Variants in TSHZ3 observed in about 807,000 individuals in gnomAD.
TSHZ3 encodes teashirt zinc finger homeobox 3.
TSHZ3 carries 10 observed loss-of-function variants against 64.5 expected under a neutral mutation model. The observed-to-expected ratio is 0.16, with a 90% CI of 0.10 to 0.26. The LOEUF (loss-of-function observed/expected upper bound fraction) is 0.26, where lower values mean the gene tolerates loss of function less well. Among genes scored for constraint, TSHZ3 ranks in the 10% least tolerant of loss-of-function variants. The pLI, the probability that TSHZ3 is intolerant of heterozygous loss-of-function variation, is 1.00. For missense variants in TSHZ3, 1,242 were observed against 1,421.7 expected, an observed-to-expected ratio of 0.87 and a Z score of 2.03; for synonymous variants, 608 against 593.1, an observed-to-expected ratio of 1.03 and a Z score of -0.36.
chr19:31,244,244 T>C (rs1375663849), intron 1 of TSHZ3, among the ~76,000 whole-genome samples: 1 of 152,130 alleles, frequency 6.6e-6, no homozygotes, highest in Non-Finnish European at 1.5e-5. Flanking sequence ...GCTCTCTTGA[T>C]AGTGAGTGAG....
At chr19:31,256,029 G>A (rs1446048949) in intron 1 of TSHZ3, among the ~76,000 whole-genome samples, 1 of 152,084 alleles carries the variant, frequency 6.6e-6, no homozygotes, top group Non-Finnish European at 1.5e-5. Context: ...AGAGCGCAGG[G>A]GTGGCGCCAA....
At chr19:31,350,340 C>G (rs1408044127), upstream of TSHZ3, among the ~76,000 whole-genome samples, 5 of 151,896 alleles carry the variant, frequency 3.3e-5, no homozygotes, top group East Asian at 1.0e-3. Flanking sequence ...GGGCCCGTCC[C>G]GGGGGTCGGT....
chr19:31,193,950 T>C (rs1490546944), intron 5 of TSHZ3, among the ~76,000 whole-genome samples: 1 of 152,174 alleles, frequency 6.6e-6, no homozygotes, highest in Non-Finnish European at 1.5e-5. Context: ...CTTAACAACA[T>C]GTAAAAAGCT....
intron 5 of TSHZ3, among the ~76,000 whole-genome samples, chr19:31,186,850 T>C (rs1392731650): frequency 6.6e-6 from 1 of 152,232 alleles, no homozygotes; most frequent in East Asian, 1.9e-4. Flanking sequence ...TTCAAATATC[T>C]TTGTGAAGTA....
chr19:31,285,042 A>G lies in TSHZ3; in HGVS notation c.41-5290T>C, dbSNP rs184460476. Among the ~76,000 whole-genome samples, 70 of 152,252 alleles carry G rather than the reference A, an allele frequency of 4.6e-4. 2 individuals carry two copies. The East Asian group carries it at 0.012, about 25-fold the overall frequency. Reference sequence around the variant, plus strand: ...TCTGAGAGTGACTGGCACATTCAGCAATGCCACTTCGTGATTAAAGGTCTC... The same window carrying G: ...TCTGAGAGTGACTGGCACATTCAGCGATGCCACTTCGTGATTAAAGGTCTC... On this transcript the variant is annotated intron_variant, in intron 1 of 1. Coordinates refer to ENST00000240587, the MANE Select transcript of TSHZ3 (RefSeq NM_020856.4).
intron 1 of TSHZ3, among the ~76,000 whole-genome samples, chr19:31,286,075 C>G (rs775683082): frequency 3.3e-5 from 5 of 152,190 alleles, no homozygotes; most frequent in Non-Finnish European, 7.3e-5. Context: ...TTGAAAGAGT[C>G]TCTCAAGATG....
At position 31,185,367 on chromosome 19, in the gene TSHZ3, G is replaced by C. The variant is rs572444528; in HGVS notation, n.809+19589C>G. Among the ~76,000 whole-genome samples, 120 of 152,312 alleles carry C rather than the reference G, an allele frequency of 7.9e-4. 1 individual carries two copies. In the South Asian group the frequency reaches 0.024, roughly 31 times the overall value. ...CACACCTTCAAGCTCCCCAACCCCA[G>C]CTTCCTAGCCCCTTAGGGGAGGGAA... On this transcript the variant is annotated intron_variant and non_coding_transcript_variant, in intron 5 of 6. Coordinates refer to the TSHZ3 transcript ENST00000651361.
intron 1 of TSHZ3, among the ~76,000 whole-genome samples, chr19:31,292,880 T>C (rs559243031): frequency 6.7e-6 from 1 of 148,278 alleles, no homozygotes; most frequent in Admixed American, 6.7e-5. Flanking sequence ...CCCAAACCCA[T>C]CCATTCAAAA....
At chr19:31,246,694 G>T (rs1975761576) in intron 1 of TSHZ3, among the ~76,000 whole-genome samples, 1 of 152,094 alleles carries the variant, frequency 6.6e-6, no homozygotes, top group Non-Finnish European at 1.5e-5. Context: ...ACGCACAGAG[G>T]ACCTGGAAGC....
At chr19:31,227,458 T>C (rs1424348124) in intron 4 of TSHZ3, among the ~76,000 whole-genome samples, 3 of 152,052 alleles carry the variant, frequency 2.0e-5, no homozygotes, top group Admixed American at 6.5e-5. Context: ...GCTGGTAGAA[T>C]AGAATAGAAG....
intron 4 of TSHZ3, among the ~76,000 whole-genome samples, chr19:31,212,009 C>T (rs1227504004): frequency 6.6e-6 from 1 of 151,712 alleles, no homozygotes; most frequent in Non-Finnish European, 1.5e-5. Flanking sequence ...AACAAACAAA[C>T]AAACAAATCC....
chr19:31,175,286 A>C (rs1974591817), intron 5 of TSHZ3, among the ~76,000 whole-genome samples: 1 of 151,092 alleles, frequency 6.6e-6, no homozygotes, highest in Non-Finnish European at 1.5e-5. Flanking sequence ...ATCAATTTTA[A>C]TGAAAAAAAA....
intron 1 of TSHZ3, among the ~76,000 whole-genome samples, chr19:31,289,948 C>A (rs1262665842): frequency 6.6e-6 from 1 of 152,160 alleles, no homozygotes; most frequent in Non-Finnish European, 1.5e-5. Flanking sequence ...ATCTGCTTGA[C>A]AAAGGACTCA....
At chr19:31,271,162 T>C (rs1020166772), downstream of TSHZ3, among the ~76,000 whole-genome samples, 1 of 152,116 alleles carries the variant, frequency 6.6e-6, no homozygotes, top group Non-Finnish European at 1.5e-5. Flanking sequence ...GGCTAATCTA[T>C]TGTCTTGGCA....
intron 1 of TSHZ3, among the ~76,000 whole-genome samples, chr19:31,296,951 G>A (rs1361823232): frequency 6.6e-6 from 1 of 152,206 alleles, no homozygotes; most frequent in East Asian, 1.9e-4. Context: ...CACCCACAGT[G>A]ACAACAAACT....
chr19:31,292,315 G>A (rs1360459978), intron 1 of TSHZ3, among the ~76,000 whole-genome samples: 2 of 152,104 alleles, frequency 1.3e-5, no homozygotes, highest in African/African-American at 2.4e-5. Flanking sequence ...CTTTAACAAG[G>A]CAGTTCATTG....
intron 1 of TSHZ3, among the ~76,000 whole-genome samples, chr19:31,269,258 T>TTTAAATG (rs1976100045): frequency 1.3e-5 from 2 of 152,014 alleles, no homozygotes; most frequent in Admixed American, 1.3e-4. Flanking sequence ...ACTCCACCAA[T>TTTAAATG]ATACAAAGCA....
rs776347150 is a variant in TSHZ3 at position 31,277,779 on chromosome 19, T to C, written c.2014A>G (p.Ser672Gly). ...TCCTTGCACCCATCCCGCGGGGGGC[T>C]GGGGCTGTTCTCCTGGCTGCGGAAG... ...GGFRSQENSP[S>G]PPRDGCKDGS... The change falls in exon 2 of 2, where the codon AGC (serine) becomes GGC (glycine). Residue 672 changes from serine to glycine, a missense_variant. Ser to Gly is a moderately conservative substitution (Grantham distance 56, BLOSUM62 0). Transcript: ENST00000240587. This position sits in a 1 kb window ranked among gnomAD's most constrained non-coding sequence, Gnocchi z 4.5. 3 of 1,534,556 alleles carry C rather than the reference T, an allele frequency of 2.0e-6. No individual in the cohort carries two copies. The highest frequency in any genetic ancestry group is 1.7e-6 in the Non-Finnish European group (2 of 1,144,280).
chr19:31,165,582 A>T (rs1011211114), intron 5 of TSHZ3, among the ~76,000 whole-genome samples: 1 of 152,098 alleles, frequency 6.6e-6, no homozygotes, highest in African/African-American at 2.4e-5. Context: ...ACCCGAGTGC[A>T]GCTCACCCAC....
Sources: allele counts gnomAD v4.1 joint callset (sites outside exome capture counted in the v4.1 genomes callset), GRCh38; gene constraint gnomAD v4.1.1; non-coding constraint Gnocchi (gnomAD v3.1); transcripts MANE v1.5; gene names NCBI Gene and HGNC (gene_info 2026-07-23, HGNC 2026-07-21).